Variants in MEIS2 observed in about 807,000 individuals in gnomAD.
MEIS2 encodes homeobox protein Meis2.
A neutral mutation model predicts 58.6 loss-of-function variants in MEIS2; 9 were observed. The ratio of observed to expected loss-of-function variants is 0.15; its 90% CI spans 0.09 to 0.27. The LOEUF is 0.27. MEIS2 is among the 10% of genes least tolerant of loss of function. The pLI is 1.00. For synonymous variants in MEIS2, 221 were observed against 228.4 expected, an observed-to-expected ratio of 0.97 and a Z score of 0.29; for missense variants, 427 against 635.0, an observed-to-expected ratio of 0.67 and a Z score of 3.52.
chr15:36,974,763 A>G (rs1015270078), intron 8 of MEIS2, among the ~76,000 whole-genome samples: 2 of 152,234 alleles, frequency 1.3e-5, no homozygotes, highest in African/African-American at 4.8e-5. Context: ...GTTGAGAACA[A>G]AACAGTCTTT....
intron 8 of MEIS2, among the ~76,000 whole-genome samples, chr15:37,025,023 A>G (rs549616457): frequency 2.0e-5 from 3 of 152,310 alleles, no homozygotes; most frequent in Non-Finnish European, 2.9e-5. Context: ...CCACATATGA[A>G]TGGTCTGTCA....
At chr15:37,011,594 G>C (rs564820381) in intron 8 of MEIS2, among the ~76,000 whole-genome samples, 1 of 138,316 alleles carries the variant, frequency 7.2e-6, no homozygotes, top group South Asian at 2.4e-4. Context: ...TTACAGACCA[G>C]CATCTATCAG....
At chr15:36,893,870 GTGT>G (rs1305689168) in intron 11 of MEIS2, among the ~76,000 whole-genome samples, 1 of 152,130 alleles carries the variant, frequency 6.6e-6, no homozygotes, top group Non-Finnish European at 1.5e-5. Context: ...ATCAAGGTAC[GTGT>G]TGTTATATTC....
Position 36,997,889 on chromosome 15 carries a change from T to A in MEIS2, c.900+38925A>T, listed in dbSNP as rs377763138. ...ACAGGCAGTTCATTCCACATTCAGT[T>A]TACTGGTGCTTACAAAGTGCTGACC... On this transcript the variant is annotated intron_variant, in intron 8 of 11. Transcript: ENST00000561208. Among the ~76,000 whole-genome samples, 15 of 152,306 alleles carry A rather than the reference T, an allele frequency of 9.8e-5. 1 individual carries two copies. The highest frequency in any genetic ancestry group is 2.6e-4 in the Admixed American group (4 of 15,302).
chr15:37,046,582 C>T (rs1203939352), intron 7 of MEIS2, among the ~76,000 whole-genome samples: 1 of 152,120 alleles, frequency 6.6e-6, no homozygotes, highest in Admixed American at 6.5e-5. Flanking sequence ...TAGGCTTTAG[C>T]TGGCAATGTG....
At chr15:36,907,637 C>G (rs771665041) in intron 9 of MEIS2, among the ~76,000 whole-genome samples, 1 of 152,112 alleles carries the variant, frequency 6.6e-6, no homozygotes, top group Non-Finnish European at 1.5e-5. Flanking sequence ...TCTTAGGGCC[C>G]TTTATCAATA....
At chr15:37,063,056 A>G (rs1035479198) in intron 7 of MEIS2, among the ~76,000 whole-genome samples, 2 of 152,218 alleles carry the variant, frequency 1.3e-5, no homozygotes, top group Admixed American at 6.5e-5. Context: ...CTCCGTTACC[A>G]TTATGACCTA....
chr15:36,892,288 A>G lies in MEIS2; in HGVS notation c.1319T>C (p.Met440Thr). 6.2e-7 allele frequency: 1 copy of G among 1,613,946 alleles called. No homozygotes were observed. The highest frequency in any genetic ancestry group is 8.5e-7 in the Non-Finnish European group (1 of 1,179,960). ...PSHPHHPAMM[M>T]HGGPPTHPGM... ...AGGGTGGGTAGGGGGTCCTCCGTGC[A>G]TCATCATGGCTGGGTGGTGGGGATG... Residue 440 changes from methionine to threonine, a missense_variant, in exon 12 of 12, where the codon ATG (methionine) becomes ACG (threonine). Met to Thr is a moderately conservative substitution (Grantham distance 81, BLOSUM62 -1). This residue lies in a region of MEIS2 where 154 missense variants were observed against 148.1 expected (regional missense o/e 1.04). Transcript: ENST00000561208.
rs200282136 is a variant in MEIS2, at chr15:36,892,293, C to A, written c.1314G>T (p.Met438Ile). ...GGGTAGGGGGTCCTCCGTGCATCAT[C>A]ATGGCTGGGTGGTGGGGATGGCTTG... is the stretch of plus-strand genomic sequence containing the variant. Reference protein sequence around the residue: ...YLPSHPHHPAMMMHGGPPTHP... With the variant: ...YLPSHPHHPAIMMHGGPPTHP... Residue 438 changes from methionine (M) to isoleucine (I), a missense_variant, in exon 12 of 12, where the codon ATG becomes ATT. Coordinates refer to ENST00000561208, the MANE Select transcript of MEIS2 (RefSeq NM_170675.5). The A allele has an allele frequency of 1.9e-6, 3 of 1,613,808 alleles. No individual in the cohort carries two copies. In the East Asian group the frequency reaches 6.7e-5, roughly 36 times the overall value.
At chr15:37,060,499 C>T (rs2141838782) in intron 7 of MEIS2, among the ~76,000 whole-genome samples, 1 of 152,176 alleles carries the variant, frequency 6.6e-6, no homozygotes, top group South Asian at 2.1e-4. Context: ...CGTGTACCAC[C>T]ATATTTGCCA....
At chr15:36,936,462 T>G (rs916646977) in intron 9 of MEIS2, among the ~76,000 whole-genome samples, 5 of 152,148 alleles carry the variant, frequency 3.3e-5, no homozygotes, top group African/African-American at 1.2e-4. Flanking sequence ...AAAACTTTTC[T>G]TCAGTTAGTT....
intron 9 of MEIS2, among the ~76,000 whole-genome samples, chr15:36,937,190 C>A (rs837132): frequency 6.6e-6 from 1 of 152,048 alleles, no homozygotes; most frequent in Non-Finnish European, 1.5e-5. Flanking sequence ...TAGTGACTTG[C>A]AGATTCTCAA....
chr15:37,033,668 G>A (rs1269589964), intron 8 of MEIS2, among the ~76,000 whole-genome samples: 2 of 152,190 alleles, frequency 1.3e-5, no homozygotes, highest in Non-Finnish European at 2.9e-5. Flanking sequence ...CACTTTGAAA[G>A]TCGAAATTAA....
chr15:36,924,647 C>T (rs558031409), intron 9 of MEIS2, among the ~76,000 whole-genome samples: 1 of 152,302 alleles, frequency 6.6e-6, no homozygotes, highest in Admixed American at 6.5e-5. Context: ...AGGCACCGAA[C>T]TTGACCATGA....
chr15:36,900,054 A>T (rs1314970114), intron 9 of MEIS2, among the ~76,000 whole-genome samples: 1 of 152,208 alleles, frequency 6.6e-6, no homozygotes, highest in African/African-American at 2.4e-5. Context: ...ATCTGATATT[A>T]AAAAATTCTC....
chr15:36,946,513 A>AT (rs1229329249), intron 9 of MEIS2, among the ~76,000 whole-genome samples: 3 of 151,742 alleles, frequency 2.0e-5, no homozygotes, highest in Admixed American at 2.0e-4. Context: ...TCTGCACTAA[A>AT]TTTTTCCCCC....
intron 8 of MEIS2, among the ~76,000 whole-genome samples, chr15:36,982,208 C>T (rs1454403610): frequency 2.0e-5 from 3 of 152,114 alleles, no homozygotes; most frequent in Non-Finnish European, 2.9e-5. Flanking sequence ...TACATACTCT[C>T]TTAGTGAATT....
At chr15:36,994,985 C>T (rs1394694107) in intron 8 of MEIS2, among the ~76,000 whole-genome samples, 1 of 152,206 alleles carries the variant, frequency 6.6e-6, no homozygotes, top group Non-Finnish European at 1.5e-5. Context: ...AGGCATCTAA[C>T]TACCTCTGAA....
At chr15:36,931,221 A>C (rs893313124) in intron 9 of MEIS2, among the ~76,000 whole-genome samples, 9 of 152,250 alleles carry the variant, frequency 5.9e-5, no homozygotes, top group Non-Finnish European at 1.3e-4. Flanking sequence ...AAAAAAGCCT[A>C]TAGCAGCAAA....
Sources: gnomAD v4.1 joint callset for allele counts (sites outside exome capture counted in the v4.1 genomes callset) on GRCh38, gnomAD v4.1.1 for gene constraint, gnomAD v4.1.1 regional missense constraint, MANE v1.5 for transcripts, NCBI Gene and HGNC (gene_info 2026-07-23, HGNC 2026-07-21) for gene names.